Variants in MGMT observed in about 807,000 individuals in gnomAD.
MGMT encodes the protein methylated-DNA--protein-cysteine methyltransferase.
Under a neutral mutation model 15.9 loss-of-function variants are expected in MGMT, and 14 were observed. The observed-to-expected ratio is 0.88, with a 90% CI of 0.58 to 1.37. The LOEUF (loss-of-function observed/expected upper bound fraction) is 1.37. Among genes scored for constraint, MGMT ranks in the 40% most tolerant of loss-of-function variants. MGMT has a pLI of 0.00. For synonymous variants in MGMT, 130 were observed against 118.2 expected (o/e 1.10, Z -0.65); for missense variants, 282 against 268.1 (o/e 1.05, Z -0.36).
At chr10:129,654,125 C>T (rs752524647) in intron 2 of MGMT, among the ~76,000 whole-genome samples, 24 of 152,206 alleles carry the variant, frequency 1.6e-4, no homozygotes, top group Non-Finnish European at 2.6e-4. Context: ...CGCCGACCCC[C>T]GCCTTGCAGC....
intron 2 of MGMT, among the ~76,000 whole-genome samples, chr10:129,592,643 A>G (rs542074219): frequency 1.3e-5 from 2 of 152,304 alleles, no homozygotes; most frequent in South Asian, 2.1e-4. Flanking sequence ...GAGAGTATCC[A>G]CAGTGGCCCA....
intron 2 of MGMT, among the ~76,000 whole-genome samples, chr10:129,565,543 A>T (rs1353986044): frequency 6.6e-6 from 1 of 152,174 alleles, no homozygotes; most frequent in Non-Finnish European, 1.5e-5. Flanking sequence ...AAATATTGAC[A>T]TTTAGTAGTT....
At chr10:129,702,303 A>G (rs547569847) in intron 2 of MGMT, among the ~76,000 whole-genome samples, 1 of 152,274 alleles carries the variant, frequency 6.6e-6, no homozygotes, top group South Asian at 2.1e-4. Flanking sequence ...AAGGTGCCCG[A>G]CGCCCTGTTG....
chr10:129,624,830 A>G (rs1847128498), intron 2 of MGMT, among the ~76,000 whole-genome samples: 2 of 152,214 alleles, frequency 1.3e-5, no homozygotes, highest in South Asian at 4.1e-4. Context: ...AGCCTAAGAG[A>G]TGCACCGTGC....
At chr10:129,739,235 A>G (rs963329069) in intron 3 of MGMT, among the ~76,000 whole-genome samples, 2 of 152,208 alleles carry the variant, frequency 1.3e-5, no homozygotes, top group Admixed American at 1.3e-4. Context: ...CACTTTGAAA[A>G]TCGGCACAAG....
At chr10:129,574,056 A>T (rs1392496345) in intron 2 of MGMT, among the ~76,000 whole-genome samples, 1 of 152,212 alleles carries the variant, frequency 6.6e-6, no homozygotes, top group Non-Finnish European at 1.5e-5. Flanking sequence ...ATATATTCCT[A>T]TTAAGTTTAG....
chr10:129,542,552 C>T (rs138021218), intron 2 of MGMT, among the ~76,000 whole-genome samples: 41 of 152,176 alleles, frequency 2.7e-4, no homozygotes, highest in African/African-American at 9.9e-4. Flanking sequence ...CTCTGTAGGA[C>T]TTTTACCTGC....
chr10:129,520,775 GCC>G (rs1845797811), intron 1 of MGMT, among the ~76,000 whole-genome samples: 1 of 136,844 alleles, frequency 7.3e-6, no homozygotes. Context: ...CCTAAGGTGT[GCC>G]TGCAGAGCCC....
chr10:129,558,312 T>C (rs781141930), intron 2 of MGMT, among the ~76,000 whole-genome samples: 1 of 152,222 alleles, frequency 6.6e-6, no homozygotes, highest in Non-Finnish European at 1.5e-5. Flanking sequence ...ATAAGTCTAA[T>C]AGTACGATGA....
At chr10:129,717,229 G>A (rs1246063324) in intron 3 of MGMT, among the ~76,000 whole-genome samples, 6 of 152,312 alleles carry the variant, frequency 3.9e-5, no homozygotes, top group Non-Finnish European at 8.8e-5. Flanking sequence ...TTCTGCCCCA[G>A]GCATTTCAAA....
chr10:129,485,595 G>A (rs935105203), intron 1 of MGMT, among the ~76,000 whole-genome samples: 1 of 152,210 alleles, frequency 6.6e-6, no homozygotes, highest in African/African-American at 2.4e-5. Flanking sequence ...GCTTATTGGA[G>A]CATTTTGGAT....
chr10:129,733,909 A>G (rs1388758752), intron 3 of MGMT, among the ~76,000 whole-genome samples: 5 of 151,930 alleles, frequency 3.3e-5, no homozygotes, highest in Non-Finnish European at 5.9e-5. Flanking sequence ...GTTCTGTTCC[A>G]TTGGTCTATA....
chr10:129,576,506 C>G (rs571939607), intron 2 of MGMT, among the ~76,000 whole-genome samples: 36 of 152,288 alleles, frequency 2.4e-4, no homozygotes, highest in African/African-American at 8.7e-4. Context: ...TAAAAACTCT[C>G]AATAAGTTAG....
intron 2 of MGMT, among the ~76,000 whole-genome samples, chr10:129,617,859 A>C (rs1847046228): frequency 6.6e-6 from 1 of 152,160 alleles, no homozygotes; most frequent in Non-Finnish European, 1.5e-5. Context: ...CATAGTCTGC[A>C]AAGTGTGCTT....
intron 2 of MGMT, among the ~76,000 whole-genome samples, chr10:129,692,165 G>C (rs1847976297): frequency 6.6e-6 from 1 of 152,200 alleles, no homozygotes; most frequent in African/African-American, 2.4e-5. Context: ...AGAATTAGCA[G>C]AGGAGATGAT....
At chr10:129,707,080 G>A (rs1848172462) in intron 2 of MGMT, among the ~76,000 whole-genome samples, 1 of 152,080 alleles carries the variant, frequency 6.6e-6, no homozygotes, top group South Asian at 2.1e-4. Context: ...TGGCCAACGT[G>A]ATGAAGCCAA....
intron 2 of MGMT, among the ~76,000 whole-genome samples, chr10:129,692,834 C>T (rs1172587849): frequency 6.6e-6 from 1 of 152,178 alleles, no homozygotes; most frequent in East Asian, 1.9e-4. Context: ...GAGCAGTGTC[C>T]ATGCAAGCCT....
intron 2 of MGMT, among the ~76,000 whole-genome samples, chr10:129,643,951 A>G (rs1345583252): frequency 1.3e-5 from 2 of 151,878 alleles, no homozygotes; most frequent in Non-Finnish European, 2.9e-5. Flanking sequence ...TTCCATCGGC[A>G]TTTTAAGTAG....
chr10:129,655,635 A>G (rs1847517098), intron 2 of MGMT, among the ~76,000 whole-genome samples: 1 of 152,184 alleles, frequency 6.6e-6, no homozygotes, highest in East Asian at 1.9e-4. Context: ...AGTTTGTAAA[A>G]CACTTTGTAA....
Sources: allele counts gnomAD v4.1 joint callset (sites outside exome capture counted in the v4.1 genomes callset), GRCh38; gene constraint gnomAD v4.1.1; transcripts MANE v1.5; gene names NCBI Gene and HGNC (gene_info 2026-07-23, HGNC 2026-07-21).